KATNB1: variants seen among roughly 807,000 people sequenced by gnomAD.
KATNB1 encodes katanin p80 WD40 repeat-containing subunit B1.
In KATNB1, 38 loss-of-function variants were observed where a neutral mutation model predicts 82.3. That is an observed-to-expected ratio of 0.46 (90% CI 0.36 to 0.61). KATNB1 has a LOEUF of 0.61. Ranked by LOEUF, KATNB1 falls within the 20% of genes least tolerant of loss-of-function variation. KATNB1 has a pLI of 0.00. For missense variants in KATNB1, 749 were observed against 915.7 expected, an observed-to-expected ratio of 0.82 and a Z score of 2.35; for synonymous variants, 361 against 368.7, an observed-to-expected ratio of 0.98 and a Z score of 0.24.
In KATNB1 at chr16:57,751,369, G is replaced by C; in HGVS notation, c.432+67G>C. On this transcript the variant is annotated intron_variant, in intron 6 of 19. Transcript: ENST00000379661. This position sits in a 1 kb window ranked among gnomAD's most constrained non-coding sequence, Gnocchi z 6.3. Reference sequence around the variant, plus strand: ...GGCATTGAGTGTGGTGTGGTGCCCAGACCCCAGCAGGGGGTGGAGGGGACG... The same window carrying C: ...GGCATTGAGTGTGGTGTGGTGCCCACACCCCAGCAGGGGGTGGAGGGGACG... The C allele has an allele frequency of 6.9e-7, 1 of 1,454,084 alleles. No homozygotes were observed. Among genetic ancestry groups the C allele is most frequent in the Non-Finnish European group, 9.7e-7 (1 of 1,034,496 alleles). 90.1% of individuals were successfully genotyped at this position (1,454,084 alleles called of 1,614,324 possible).
chr16:57,754,103 C>A, intron 13 of KATNB1, 108 bp downstream of exon 13: 1 of 915,136 alleles, frequency 1.1e-6, no homozygotes, highest in South Asian at 1.5e-5. Flanking sequence ...CCTCCCCTCT[C>A]AGGACACGAC....
chr16:57,754,864 C>A, intron 13 of KATNB1, 66 bp from the exon 14 acceptor site: 2 of 1,551,084 alleles, frequency 1.3e-6, no homozygotes, highest in South Asian at 1.1e-5. Context: ...GAGTCCCGCC[C>A]TGAGCCCTGC....
At chr16:57,740,358 C>T (rs528220453) in intron 2 of KATNB1, among the ~76,000 whole-genome samples, 3 of 152,288 alleles carry the variant, frequency 2.0e-5, no homozygotes, top group South Asian at 4.1e-4. Context: ...TCCTGGTGGC[C>T]CCTTGGAGCC....
rs781805889 is a variant in KATNB1, at chr16:57,755,325, T to C, written c.1417-20T>C. 3.1e-6 allele frequency: 5 copies of C among 1,612,556 alleles called. No individual in the cohort carries two copies. The South Asian group carries it at 5.5e-5, about 18-fold the overall frequency. ...TGCTGGCTCCTCCCATGCCAGCATC[T>C]GGGTGTCCATCCCACGCAGGCCGTG... On this transcript the variant is annotated intron_variant, in intron 15 of 19. Coordinates refer to ENST00000379661, the MANE Select transcript of KATNB1 (RefSeq NM_005886.3).
chr16:57,754,936 C>A lies in KATNB1; in HGVS notation c.1235C>A (p.Ala412Asp). 1 of 1,614,064 alleles carries A rather than the reference C, an allele frequency of 6.2e-7. No individual in the cohort carries two copies. Among genetic ancestry groups the A allele is most frequent in the Non-Finnish European group, 8.5e-7 (1 of 1,180,032 alleles). ...PFPAPPEDDA[A>D]TAKEAAKPSP... is the part of the protein sequence containing the mutation. ...CTTTTCCTTTTGCCTCCAGACGCAG[C>A]CACAGCAAAGGAGGCAGCAAAGCCC... The change falls in exon 14 of 20, where the codon GCC (alanine) becomes GAC (aspartate). Residue 412 changes from alanine (A) to aspartate (D), a missense_variant. This residue lies in a region of KATNB1 where 407 missense variants were observed against 434.7 expected (regional missense o/e 0.94). Coordinates refer to ENST00000379661, the MANE Select transcript of KATNB1 (RefSeq NM_005886.3).
Position 57,752,884 on chromosome 16 carries a change from A to G in KATNB1, c.811A>G (p.Asn271Asp). ...PERCFDVVLV[N>D]WGKVADLAIC... Reference sequence around the variant, plus strand: ...GCGGTGCTTTGATGTGGTCCTCGTCAACTGGGGCAAGGTGGCCGACCTGGC... The same window carrying G: ...GCGGTGCTTTGATGTGGTCCTCGTCGACTGGGGCAAGGTGGCCGACCTGGC... Residue 271 changes from asparagine to aspartate, a missense_variant, in exon 10 of 20, where the codon AAC becomes GAC. Coordinates refer to ENST00000379661, the MANE Select transcript of KATNB1 (RefSeq NM_005886.3). 6.2e-7 allele frequency: 1 copy of G among 1,607,396 alleles called. No homozygotes were observed. The highest frequency in any genetic ancestry group is 8.5e-7 in the Non-Finnish European group (1 of 1,179,828).
chr16:57,757,038 C>CA lies in KATNB1; in HGVS notation c.*92_*93insA. On this transcript the variant is annotated 3_prime_UTR_variant, in exon 20 of 20. Coordinates refer to ENST00000379661, the MANE Select transcript of KATNB1 (RefSeq NM_005886.3). ...TGTGCACCCACTGGCCCATGAGCCT[C>CA]TGCCTGGCCCCTGCTGCTGTCCTGT... The CA allele has an allele frequency of 1.5e-6, 2 of 1,342,788 alleles. No individual in the cohort carries two copies. The highest frequency in any genetic ancestry group is 1.9e-6 in the Non-Finnish European group (2 of 1,035,606). The allele number at this position is 1,342,788 out of a possible 1,614,324, so 83.2% of individuals were successfully genotyped here.
intron 19 of KATNB1, 27 bp downstream of exon 19, chr16:57,756,499 AG>A: frequency 6.3e-7 from 1 of 1,577,208 alleles, no homozygotes. Flanking sequence ...TGTTGGGGGC[AG>A]GGGTGCCACA....
chr16:57,753,442 G>C lies in KATNB1; in HGVS notation c.1100G>C (p.Arg367Pro). 1.2e-6 allele frequency: 2 copies of C among 1,613,108 alleles called. No homozygotes were observed. Among genetic ancestry groups the C allele is most frequent in the Non-Finnish European group, 1.7e-6 (2 of 1,179,906 alleles). ...ERRSPSSEDD[R>P]DERESRAEIQ... is the part of the protein sequence containing the mutation. ...CGCAGCCCCAGCAGCGAGGATGACC[G>C]GGACGAGCGCGAGTCCCGCGCGGAG... Residue 367 changes from arginine to proline, a missense_variant, in exon 12 of 20, where the codon CGG becomes CCG. Physicochemically the swap from Arg to Pro is moderately radical, Grantham distance 103. Transcript: ENST00000379661.
chr16:57,750,578 A>G (rs1299686885), intron 4 of KATNB1, among the ~76,000 whole-genome samples: 1 of 152,202 alleles, frequency 6.6e-6, no homozygotes, highest in Admixed American at 6.5e-5. Context: ...GTGAGCCGAG[A>G]TCACGCCATT....
chr16:57,742,420 C>T (rs1783177483), intron 3 of KATNB1, among the ~76,000 whole-genome samples: 1 of 152,248 alleles, frequency 6.6e-6, no homozygotes, highest in African/African-American at 2.4e-5. Context: ...CCAAAGGCCA[C>T]CACAGTTGGT....
intron 4 of KATNB1, among the ~76,000 whole-genome samples, chr16:57,744,829 C>T (rs1297317109): frequency 4.0e-5 from 6 of 151,832 alleles, no homozygotes; most frequent in African/African-American, 9.7e-5. Flanking sequence ...TGTCACATGC[C>T]GCCAGGGGCC....
chr16:57,746,653 G>C (rs2049186006), intron 4 of KATNB1, among the ~76,000 whole-genome samples: 1 of 151,178 alleles, frequency 6.6e-6, no homozygotes, highest in African/African-American at 2.4e-5. Flanking sequence ...AGCAGGTGGT[G>C]CCAGCTCTAC....
At position 57,751,763 on chromosome 16, in the gene KATNB1, T is replaced by C; in HGVS notation, c.516+39T>C. ...TGACCTGGGCCCAGGGGCTGGGGGC[T>C]GGGGTCTGCTGATCACAGCAGGCTG... On this transcript the variant is annotated intron_variant, in intron 7 of 19. Transcript: ENST00000379661. This position sits in a 1 kb window ranked among gnomAD's most constrained non-coding sequence, Gnocchi z 6.3. 3 of 1,585,412 alleles carry C rather than the reference T, an allele frequency of 1.9e-6. No individual in the cohort carries two copies. The highest frequency in any genetic ancestry group is 2.6e-6 in the Non-Finnish European group (3 of 1,162,116).
rs879956156 is a variant in KATNB1, at chr16:57,751,815, T to C, written c.516+91T>C. ...GTCCTCACCTCCCTCCTGATCGGGC[T>C]CACATGTCCCAAGCCTATCCCGAGT... On this transcript the variant is annotated intron_variant, in intron 7 of 19. Coordinates refer to ENST00000379661, the MANE Select transcript of KATNB1 (RefSeq NM_005886.3). This position sits in a 1 kb window ranked among gnomAD's most constrained non-coding sequence, Gnocchi z 6.3. 1.4e-6 allele frequency: 2 copies of C among 1,423,290 alleles called. No individual in the cohort carries two copies. Among genetic ancestry groups the C allele is most frequent in the South Asian group, 2.3e-5 (2 of 86,810 alleles). 88.2% of individuals were successfully genotyped at this position (1,423,290 alleles called of 1,614,324 possible). A position where few individuals can be genotyped will look rare whatever the true frequency, so the allele number is the denominator to read the frequency against.
rs781823358 is a variant in KATNB1, at chr16:57,753,170, C to T, written c.949C>T (p.Gln317Ter). Residue 317 changes from glutamine to a stop codon, truncating the protein, a stop_gained, in exon 11 of 20, where the codon CAG becomes TAG. Coordinates refer to ENST00000379661, the MANE Select transcript of KATNB1 (RefSeq NM_005886.3). LOFTEE classifies it high-confidence loss of function. ...RTGTVARDPV[Q>*]DHRPLAQPLP... ...TGGCACGGTGGCCCGGGACCCTGTGCAGGACCACCGGCCCCTGGCACAGCC... is the reference window on the plus strand; with the variant it reads ...TGGCACGGTGGCCCGGGACCCTGTGTAGGACCACCGGCCCCTGGCACAGCC... The T allele has an allele frequency of 1.2e-6, 2 of 1,610,056 alleles. No homozygotes were observed. The highest frequency in any genetic ancestry group is 1.7e-5 in the Admixed American group (1 of 59,974).
intron 3 of KATNB1, 116 bp from the exon 4 acceptor site, chr16:57,744,278 T>C: frequency 1.2e-6 from 1 of 859,682 alleles, no homozygotes; most frequent in Non-Finnish European, 1.9e-6. Flanking sequence ...CCCATGGGGC[T>C]CCCCCTCCTG....
At position 57,751,436 on chromosome 16, in the gene KATNB1, C is replaced by A; in HGVS notation, c.432+134C>A. The A allele has an allele frequency of 9.4e-7, 1 of 1,058,482 alleles. No homozygotes were observed. Among genetic ancestry groups the A allele is most frequent in the Non-Finnish European group, 1.4e-6 (1 of 691,820 alleles). The allele number at this position is 1,058,482 out of a possible 1,614,324, so 65.6% of individuals were successfully genotyped here. On this transcript the variant is annotated intron_variant, in intron 6 of 19. Transcript: ENST00000379661. The surrounding 1 kb of genome is among the most constrained non-coding windows in gnomAD (Gnocchi z 6.3). Reference sequence around the variant, plus strand: ...GATAACATAAAACATAGACCTGGAGCTGAGCAGGAGCGCCATGGGCGGCCC... The same window carrying A: ...GATAACATAAAACATAGACCTGGAGATGAGCAGGAGCGCCATGGGCGGCCC...
chr16:57,739,579 T>C (rs2049127676), intron 2 of KATNB1, among the ~76,000 whole-genome samples: 1 of 152,180 alleles, frequency 6.6e-6, no homozygotes, highest in African/African-American at 2.4e-5. Context: ...CAAGCCAGGA[T>C]GAAGGAGGAG....
Sources: allele counts gnomAD v4.1 joint callset (sites outside exome capture counted in the v4.1 genomes callset), GRCh38; gene constraint gnomAD v4.1.1; regional missense constraint gnomAD v4.1.1; non-coding constraint Gnocchi (gnomAD v3.1); transcripts MANE v1.5; gene names NCBI Gene and HGNC (gene_info 2026-07-23, HGNC 2026-07-21).